ZFP69B: variants seen among roughly 807,000 people sequenced by gnomAD.
ZFP69B encodes zinc finger protein 69 homolog B.
ZFP69B carries 20 observed loss-of-function variants against 19.7 expected under a neutral mutation model. The ratio of observed to expected loss-of-function variants is 1.02; its 90% CI spans 0.71 to 1.48. The LOEUF (loss-of-function observed/expected upper bound fraction) is 1.48, where lower values mean the gene tolerates loss of function less well. Ranked by LOEUF, ZFP69B falls within the 40% of genes most tolerant of loss-of-function variation. The pLI is 0.00. For missense variants in ZFP69B, 583 were observed against 632.6 expected (o/e 0.92, Z 0.84); for synonymous variants, 220 against 222.7 (o/e 0.99, Z 0.11).
At chr1:40,457,225 C>T in intron 3 of ZFP69B, 119 bp from the exon 4 acceptor site, 1 of 1,475,188 alleles carries the variant, frequency 6.8e-7, no homozygotes, top group Non-Finnish European at 9.3e-7. Context: ...CTTTTCTGCT[C>T]TGTTCTTTCT....
At chr1:40,452,893 G>A (rs1204114062) in intron 1 of ZFP69B, among the ~76,000 whole-genome samples, 1 of 151,686 alleles carries the variant, frequency 6.6e-6, no homozygotes, top group Admixed American at 6.6e-5. Context: ...ATCTAGATGT[G>A]GATGTATAGA....
At position 40,458,001 on chromosome 1, in the gene ZFP69B, C is replaced by T. The variant is rs188051988; in HGVS notation, c.436+562C>T. On this transcript the variant is annotated intron_variant, in intron 4 of 4. Coordinates refer to ENST00000361584, the MANE Select transcript of ZFP69B (RefSeq NM_023070.3). ...TCTTAGCAGATCCAGTGGCTTTTAA[C>T]AGTCTTCTTTAACATTTAAGTACAG... 2.0e-4 allele frequency among the ~76,000 whole-genome samples: 31 copies of T among 152,298 alleles called. 1 individual carries two copies. Among genetic ancestry groups the T allele is most frequent in the Admixed American group, 2.0e-3 (30 of 15,306 alleles).
chr1:40,455,808 C>T (rs540504536), intron 2 of ZFP69B, among the ~76,000 whole-genome samples: 9 of 152,204 alleles, frequency 5.9e-5, no homozygotes, highest in East Asian at 1.9e-4. Context: ...TCCCTGTGTC[C>T]GTGTGATCTC....
intron 4 of ZFP69B, among the ~76,000 whole-genome samples, chr1:40,458,434 A>G (rs984764281): frequency 3.3e-5 from 5 of 151,940 alleles, no homozygotes; most frequent in African/African-American, 1.2e-4. Flanking sequence ...CCAAAATTTC[A>G]CAACAGATTT....
At position 40,450,903 on chromosome 1, in the gene ZFP69B, G is replaced by A; in HGVS notation, c.-59G>A. 1 of 1,445,476 alleles carries A rather than the reference G, an allele frequency of 6.9e-7. No individual in the cohort carries two copies. 89.5% of individuals were successfully genotyped at this position (1,445,476 alleles called of 1,614,324 possible). ...AGCTTCCAGCAATTTCCTCATCAGAGGTGGACAAGCCCTATGGGCTAAGAC... is the reference window on the plus strand; with the variant it reads ...AGCTTCCAGCAATTTCCTCATCAGAAGTGGACAAGCCCTATGGGCTAAGAC... On this transcript the variant is annotated 5_prime_UTR_variant, in exon 1 of 5. Coordinates refer to ENST00000361584, the MANE Select transcript of ZFP69B (RefSeq NM_023070.3).
intron 4 of ZFP69B, 110 bp downstream of exon 4, chr1:40,457,549 A>T (rs892072382): frequency 5.0e-6 from 4 of 807,308 alleles, no homozygotes; most frequent in Non-Finnish European, 8.0e-6. Flanking sequence ...CATTCAAGAA[A>T]GTTGATTCTG....
At chr1:40,451,662 G>GC (rs771774983) in intron 1 of ZFP69B, among the ~76,000 whole-genome samples, 4,055 of 144,042 alleles carry the variant, frequency 0.028, 67 homozygotes, top group African/African-American at 0.039. Flanking sequence ...GTGGGGGGGG[G>GC]GGAATTCATT....
chr1:40,461,998 T>C (rs1645289583), intron 4 of ZFP69B, among the ~76,000 whole-genome samples: 1 of 152,088 alleles, frequency 6.6e-6, no homozygotes. Flanking sequence ...AGATGTGAAG[T>C]GATCCTCCCA....
intron 3 of ZFP69B, 29 bp from the exon 4 acceptor site, chr1:40,457,315 A>G (rs1287396700): frequency 2.5e-6 from 4 of 1,608,390 alleles, no homozygotes; most frequent in African/African-American, 1.3e-5. Context: ...TGACCTCAGC[A>G]TATACAGTCT....
intron 4 of ZFP69B, 22 bp downstream of exon 4, chr1:40,457,461 C>A (rs2272995): frequency 1.2e-6 from 2 of 1,603,018 alleles, no homozygotes; most frequent in Non-Finnish European, 1.7e-6. Context: ...GCAGGTGGGG[C>A]CTTTGTGATG....
At chr1:40,453,195 G>A (rs966770916) in intron 1 of ZFP69B, among the ~76,000 whole-genome samples, 11 of 151,848 alleles carry the variant, frequency 7.2e-5, no homozygotes, top group Admixed American at 2.6e-4. Flanking sequence ...TCCTGACCTC[G>A]TGATCCACCC....
chr1:40,454,431 C>G (rs1431290464), intron 2 of ZFP69B, 143 bp downstream of exon 2: 1 of 539,692 alleles, frequency 1.9e-6, no homozygotes. Flanking sequence ...CGGAGTCTCA[C>G]TCTGTCACCC....
intron 2 of ZFP69B, among the ~76,000 whole-genome samples, chr1:40,455,202 A>T (rs1281747529): frequency 1.3e-5 from 2 of 152,232 alleles, no homozygotes; most frequent in African/African-American, 4.8e-5. Context: ...TCCTAAATGA[A>T]GTAGTCAGAA....
rs891332416 is a variant in ZFP69B, at chr1:40,454,150, CTGTT to C, written c.128-50_128-47del. 1.3e-5 allele frequency: 19 copies of C among 1,434,280 alleles called. No individual in the cohort carries two copies. In the African/African-American group the frequency reaches 1.6e-4, roughly 12 times the overall value. The allele number at this position is 1,434,280 out of a possible 1,614,324, so 88.8% of individuals were successfully genotyped here. A position where few individuals can be genotyped will look rare whatever the true frequency, so the allele number is the denominator to read the frequency against. On this transcript the variant is annotated intron_variant, in intron 1 of 4. Coordinates refer to ENST00000361584, the MANE Select transcript of ZFP69B (RefSeq NM_023070.3). The stretch of plus-strand genomic sequence containing the variant: ...ATGAGTGGGTCTGTAGGCAGTTTCT[CTGTT>C]TGGGTGATTTGGGGAGATGCAAACC...
intron 1 of ZFP69B, among the ~76,000 whole-genome samples, chr1:40,453,974 A>G (rs1244747665): frequency 6.6e-6 from 1 of 152,204 alleles, no homozygotes; most frequent in Non-Finnish European, 1.5e-5. Flanking sequence ...ATTTTTGAAC[A>G]AAAGATTGGC....
At chr1:40,459,891 T>C (rs1645266600) in intron 4 of ZFP69B, among the ~76,000 whole-genome samples, 1 of 152,136 alleles carries the variant, frequency 6.6e-6, no homozygotes, top group Non-Finnish European at 1.5e-5. Flanking sequence ...ATTGGTGCTT[T>C]AGGTTGGCAG....
At chr1:40,461,477 G>T (rs1218279997) in intron 4 of ZFP69B, among the ~76,000 whole-genome samples, 1 of 151,840 alleles carries the variant, frequency 6.6e-6, no homozygotes, top group East Asian at 1.9e-4. Flanking sequence ...GAGAAATATG[G>T]GCTTGAGATG....
chr1:40,463,386 G>A lies in ZFP69B; in HGVS notation c.1402G>A (p.Val468Ile). ...QRIHLSIHQR[V>I]HTGVKPYECS... is the part of the protein sequence containing the mutation. ...AATACATCTTTCTATCCATCAGAGA[G>A]TCCATACTGGAGTAAAACCTTATGA... Residue 468 changes from valine to isoleucine, a missense_variant, in exon 5 of 5, where the codon GTC becomes ATC. Physicochemically the swap from Val to Ile is conservative, Grantham distance 29. Transcript: ENST00000361584. The A allele has an allele frequency of 6.2e-7, 1 of 1,613,954 alleles. No homozygotes were observed. The highest frequency in any genetic ancestry group is 8.5e-7 in the Non-Finnish European group (1 of 1,179,926).
rs1353485169 is a variant in ZFP69B, at chr1:40,450,740, G to T, written c.-222G>T. On this transcript the variant is annotated 5_prime_UTR_variant, in exon 1 of 5. Coordinates refer to ENST00000361584, the MANE Select transcript of ZFP69B (RefSeq NM_023070.3). The stretch of plus-strand genomic sequence containing the variant: ...AGATGGAGCTCAAGTTGGGAGATAC[G>T]CCCTGAGAGCCGATGATAGACACAA... 8.8e-6 allele frequency: 3 copies of T among 339,740 alleles called. No individual in the cohort carries two copies. The highest frequency in any genetic ancestry group is 4.3e-5 in the African/African-American group (2 of 46,472). 21.0% of individuals were successfully genotyped at this position (339,740 alleles called of 1,614,324 possible). A position where few individuals can be genotyped will look rare whatever the true frequency, so the allele number is the denominator to read the frequency against.
Sources: gnomAD v4.1 joint callset for allele counts (sites outside exome capture counted in the v4.1 genomes callset) on GRCh38, gnomAD v4.1.1 for gene constraint, MANE v1.5 for transcripts, NCBI Gene and HGNC (gene_info 2026-07-23, HGNC 2026-07-21) for gene names.